The following ABRAXAS2 variants were observed in gnomAD, a reference collection of about 807,000 sequenced individuals.
ABRAXAS2 encodes the protein BRISC complex subunit Abraxas 2.
Under a neutral mutation model 49.0 loss-of-function variants are expected in ABRAXAS2, and 23 were observed. The ratio of observed to expected loss-of-function variants is 0.47; its 90% CI spans 0.34 to 0.66. ABRAXAS2 has a LOEUF of 0.66. Ranked by LOEUF, ABRAXAS2 falls within the 30% of genes least tolerant of loss-of-function variation. The pLI is 0.01. For synonymous variants in ABRAXAS2, 168 were observed against 180.2 expected, an observed-to-expected ratio of 0.93 and a Z score of 0.54; for missense variants, 443 against 511.9, an observed-to-expected ratio of 0.87 and a Z score of 1.30.
chr10:124,821,076 G>T (rs1015138087), intron 4 of ABRAXAS2, among the ~76,000 whole-genome samples: 5 of 151,658 alleles, frequency 3.3e-5, no homozygotes, highest in African/African-American at 1.2e-4. Flanking sequence ...ACCACACCTG[G>T]CTAATTTTTT....
At chr10:124,830,701 G>A (rs1950927517) in intron 7 of ABRAXAS2, among the ~76,000 whole-genome samples, 1 of 152,194 alleles carries the variant, frequency 6.6e-6, no homozygotes, top group South Asian at 2.1e-4. Flanking sequence ...ACTTGCAGTG[G>A]AAAATAGCTT....
At chr10:124,815,226 G>A (rs1036444295) in intron 2 of ABRAXAS2, among the ~76,000 whole-genome samples, 21 of 151,180 alleles carry the variant, frequency 1.4e-4, no homozygotes, top group African/African-American at 4.4e-4. Context: ...ACGGAGTCTC[G>A]CACTGTCACC....
At chr10:124,829,669 C>G (rs1191298833) in intron 7 of ABRAXAS2, among the ~76,000 whole-genome samples, 192 bp downstream of exon 7, 2 of 152,206 alleles carry the variant, frequency 1.3e-5, no homozygotes, top group East Asian at 3.8e-4. Context: ...CTCACTCACT[C>G]TGTGCCTGAA....
intron 4 of ABRAXAS2, among the ~76,000 whole-genome samples, chr10:124,822,976 G>T (rs1030427659): frequency 6.6e-6 from 1 of 152,100 alleles, no homozygotes; most frequent in African/African-American, 2.4e-5. Context: ...TTAAAAGTTG[G>T]TCTATAGTTT....
intron 2 of ABRAXAS2, among the ~76,000 whole-genome samples, chr10:124,813,025 A>G (rs1433140790): frequency 6.6e-6 from 1 of 152,100 alleles, no homozygotes; most frequent in Non-Finnish European, 1.5e-5. Flanking sequence ...AACATGGTGA[A>G]ACCCCATCTC....
rs770830784 is a variant in ABRAXAS2, at chr10:124,801,840, C to G, written c.11C>G (p.Ser4Cys). Residue 4 changes from serine (S) to cysteine (C), a missense_variant, in exon 1 of 9, where the codon TCC (serine) becomes TGC (cysteine). By Grantham distance (112) the Ser-to-Cys change is moderately radical. This residue lies in a region of ABRAXAS2 where 47 missense variants were observed against 27.6 expected (regional missense o/e 1.70). Transcript: ENST00000298492. Reference sequence around the variant, plus strand: ...CTGGAGATTTCCATCATGGCGGCGTCCATTTCGGGCTACACCTTCAGTGCT... The same window carrying G: ...CTGGAGATTTCCATCATGGCGGCGTGCATTTCGGGCTACACCTTCAGTGCT... Reference protein sequence around the residue: MAASISGYTFSAVC... With the variant: MAACISGYTFSAVC... 2 of 1,613,480 alleles carry G rather than the reference C, an allele frequency of 1.2e-6. No homozygotes were observed. The highest frequency in any genetic ancestry group is 2.2e-5 in the South Asian group (2 of 91,076).
chr10:124,820,734 A>G (rs1002222299), intron 4 of ABRAXAS2, among the ~76,000 whole-genome samples: 1 of 151,614 alleles, frequency 6.6e-6, no homozygotes, highest in Non-Finnish European at 1.5e-5. Flanking sequence ...TCGGCCTCCC[A>G]AAGTGTTGGG....
intron 4 of ABRAXAS2, among the ~76,000 whole-genome samples, chr10:124,822,304 G>A (rs933330188): frequency 6.6e-6 from 1 of 152,152 alleles, no homozygotes; most frequent in Non-Finnish European, 1.5e-5. Context: ...TGTAGTTTGA[G>A]CCCATTTTAT....
chr10:124,822,385 G>A (rs1239019194), intron 4 of ABRAXAS2, among the ~76,000 whole-genome samples: 3 of 152,216 alleles, frequency 2.0e-5, no homozygotes, highest in African/African-American at 7.2e-5. Flanking sequence ...GTCAGACTTG[G>A]GAAAGGGAGT....
At chr10:124,815,249 C>T (rs1319363731) in intron 2 of ABRAXAS2, among the ~76,000 whole-genome samples, 2 of 151,728 alleles carry the variant, frequency 1.3e-5, no homozygotes, top group African/African-American at 2.4e-5. Context: ...GGCTGGAGTG[C>T]AGTGGCGCGA....
At chr10:124,830,191 T>TCC (rs1267547849) in intron 7 of ABRAXAS2, among the ~76,000 whole-genome samples, 1 of 152,146 alleles carries the variant, frequency 6.6e-6, no homozygotes, top group Non-Finnish European at 1.5e-5. Context: ...ACACCTGTCA[T>TCC]CCCAGCATTT....
intron 2 of ABRAXAS2, among the ~76,000 whole-genome samples, chr10:124,812,995 A>G (rs1950799888): frequency 6.6e-6 from 1 of 152,162 alleles, no homozygotes; most frequent in Non-Finnish European, 1.5e-5. Flanking sequence ...TGAGGTCAGG[A>G]GTTCGAGACC....
chr10:124,829,663 C>T (rs950577228), intron 7 of ABRAXAS2, among the ~76,000 whole-genome samples, 186 bp downstream of exon 7: 1 of 152,212 alleles, frequency 6.6e-6, no homozygotes, highest in Middle Eastern at 3.2e-3. Context: ...GCCTGGCTCA[C>T]TCACTCTGTG....
At chr10:124,831,778 AAT>A (rs1479155677) in intron 8 of ABRAXAS2, among the ~76,000 whole-genome samples, 1 of 149,228 alleles carries the variant, frequency 6.7e-6, no homozygotes, top group Non-Finnish European at 1.5e-5. Flanking sequence ...AGTTACAGTG[AAT>A]GTGGTGGTTG....
chr10:124,825,876 G>T (rs142410562), intron 4 of ABRAXAS2, among the ~76,000 whole-genome samples: 2,001 of 152,184 alleles, frequency 0.013, 37 homozygotes, highest in Non-Finnish European at 0.014. Flanking sequence ...TTTGGGTGGG[G>T]TCCAGGAATC....
chr10:124,828,779 C>A lies in ABRAXAS2; in HGVS notation c.482C>A (p.Ala161Asp), dbSNP rs778031890. Residue 161 changes from alanine (A) to aspartate (D), a missense_variant, in exon 6 of 9, where the codon GCT becomes GAT. Physicochemically the swap from Ala to Asp is moderately radical, Grantham distance 126. Transcript: ENST00000298492. ...NRRYNQRISL[A>D]IPNLGNTSQQ... ...AGGTATAATCAGAGGATATCACTCG[C>A]TATTCCCAATCTAGGAAATACTAGC... 53 of 1,613,116 alleles carry A rather than the reference C, an allele frequency of 3.3e-5. No individual in the cohort carries two copies. Among genetic ancestry groups the A allele is most frequent in the Middle Eastern group, 3.3e-4 (2 of 6,062 alleles).
intron 4 of ABRAXAS2, 38 bp downstream of exon 4, chr10:124,819,488 G>T: frequency 6.4e-7 from 1 of 1,553,564 alleles, no homozygotes; most frequent in Non-Finnish European, 8.9e-7. Context: ...TTCTGAAATC[G>T]TTCCTTATCA....
chr10:124,828,689 C>A, intron 5 of ABRAXAS2, 67 bp from the exon 6 acceptor site: 2 of 1,415,882 alleles, frequency 1.4e-6, no homozygotes, highest in Non-Finnish European at 9.6e-7. Context: ...TTTTTTTAGA[C>A]TGTCAGTCTC....
intron 3 of ABRAXAS2, among the ~76,000 whole-genome samples, chr10:124,817,504 C>G (rs373608022): frequency 3.3e-5 from 5 of 152,074 alleles, no homozygotes; most frequent in African/African-American, 9.7e-5. Flanking sequence ...TAAAACTCCC[C>G]GAGACCCAAC....
Sources: allele counts gnomAD v4.1 joint callset (sites outside exome capture counted in the v4.1 genomes callset), GRCh38; gene constraint gnomAD v4.1.1; regional missense constraint gnomAD v4.1.1; transcripts MANE v1.5; gene names NCBI Gene and HGNC (gene_info 2026-07-23, HGNC 2026-07-21).